WDR70: variants seen among roughly 807,000 people sequenced by gnomAD.
The protein encoded by WDR70 is WD repeat domain 70.
Under a neutral mutation model 88.6 loss-of-function variants are expected in WDR70, and 53 were observed. The observed-to-expected ratio is 0.60, with a 90% CI of 0.48 to 0.75. The LOEUF (loss-of-function observed/expected upper bound fraction) is 0.75. Among genes scored for constraint, WDR70 ranks in the 30% least tolerant of loss-of-function variants. The pLI, the probability that WDR70 is intolerant of heterozygous loss-of-function variation, is 0.00. For synonymous variants in WDR70, 280 were observed against 270.0 expected, an observed-to-expected ratio of 1.04 and a Z score of -0.36; for missense variants, 610 against 823.2, an observed-to-expected ratio of 0.74 and a Z score of 3.17.
intron 8 of WDR70, among the ~76,000 whole-genome samples, chr5:37,514,984 C>A (rs1274093366): frequency 2.0e-5 from 3 of 150,740 alleles, no homozygotes; most frequent in African/African-American, 7.3e-5. Flanking sequence ...CCACTGTACC[C>A]CAGCCTAGGT....
intron 10 of WDR70, among the ~76,000 whole-genome samples, chr5:37,644,295 C>G (rs1475794270): frequency 6.6e-6 from 1 of 151,930 alleles, no homozygotes; most frequent in African/African-American, 2.4e-5. Flanking sequence ...CTTTGATTTG[C>G]ATATGTTAAA....
intron 7 of WDR70, among the ~76,000 whole-genome samples, chr5:37,472,919 C>T (rs769712266): frequency 3.9e-5 from 6 of 151,938 alleles, no homozygotes; most frequent in Non-Finnish European, 5.9e-5. Context: ...ACTGCTGAGT[C>T]GTAGGATAGG....
At chr5:37,520,595 G>A (rs1419544546) in intron 9 of WDR70, among the ~76,000 whole-genome samples, 1 of 152,144 alleles carries the variant, frequency 6.6e-6, no homozygotes, top group South Asian at 2.1e-4. Flanking sequence ...AGCATGACTA[G>A]GTAAGGTTTA....
At chr5:37,447,718 G>T (rs950249125) in intron 7 of WDR70, among the ~76,000 whole-genome samples, 2 of 152,066 alleles carry the variant, frequency 1.3e-5, no homozygotes, top group African/African-American at 4.8e-5. Flanking sequence ...GTTCTCACTC[G>T]TAGGTGGGAA....
At chr5:37,750,105 A>G (rs1748761677) in intron 17 of WDR70, among the ~76,000 whole-genome samples, 1 of 152,230 alleles carries the variant, frequency 6.6e-6, no homozygotes, top group African/African-American at 2.4e-5. Context: ...TCAAGATTAT[A>G]GAACATTTCC....
intron 9 of WDR70, among the ~76,000 whole-genome samples, chr5:37,600,950 T>G (rs1435411255): frequency 6.6e-6 from 1 of 152,246 alleles, no homozygotes; most frequent in African/African-American, 2.4e-5. Flanking sequence ...GGTAGAGTCT[T>G]TAGAGTTTTC....
intron 7 of WDR70, among the ~76,000 whole-genome samples, chr5:37,460,729 C>A (rs4585479): frequency 0.85 from 125,227 of 147,456 alleles, 56,658 homozygotes; most frequent in East Asian, 1. Flanking sequence ...AAAATAAAAA[C>A]AAAAAGAAAA....
Position 37,572,102 on chromosome 5 carries a change from C to A in WDR70, c.918-32962C>A, listed in dbSNP as rs117133332. On this transcript the variant is annotated intron_variant, in intron 9 of 17. Transcript: ENST00000265107. ...TGAGCTGAGGAATTATGTTCTGTTA[C>A]TGAAATGTGTAAAATTATATATAAA... is the stretch of plus-strand genomic sequence containing the variant. 1.4e-4 allele frequency among the ~76,000 whole-genome samples: 22 copies of A among 152,260 alleles called. No individual in the cohort carries two copies. In the East Asian group the frequency reaches 4.0e-3, roughly 28 times the overall value.
chr5:37,596,838 C>A (rs946283052), intron 9 of WDR70, among the ~76,000 whole-genome samples: 4 of 152,074 alleles, frequency 2.6e-5, no homozygotes, highest in Non-Finnish European at 5.9e-5. Flanking sequence ...CCAAAAACTT[C>A]CCTTGTGATG....
intron 12 of WDR70, 51 bp downstream of exon 12, chr5:37,701,193 G>C: frequency 8.5e-7 from 1 of 1,180,410 alleles, no homozygotes; most frequent in Non-Finnish European, 1.2e-6. Context: ...TGGAAAAGAA[G>C]TACTTTTACT....
intron 8 of WDR70, among the ~76,000 whole-genome samples, chr5:37,480,419 T>C (rs1739626342): frequency 6.6e-6 from 1 of 152,172 alleles, no homozygotes; most frequent in Non-Finnish European, 1.5e-5. Flanking sequence ...GGATAATTTA[T>C]AAAGGAAAGA....
chr5:37,686,990 T>C (rs1746628353), intron 10 of WDR70, among the ~76,000 whole-genome samples: 1 of 150,214 alleles, frequency 6.7e-6, no homozygotes, highest in Admixed American at 6.7e-5. Context: ...ATAATAAGCC[T>C]ATATAAGGTA....
intron 17 of WDR70, among the ~76,000 whole-genome samples, chr5:37,743,110 G>A (rs1316183550): frequency 6.6e-6 from 1 of 152,218 alleles, no homozygotes; most frequent in Non-Finnish European, 1.5e-5. Context: ...AGGCATCCAG[G>A]TTCTCTCATC....
intron 13 of WDR70, among the ~76,000 whole-genome samples, chr5:37,716,874 G>A (rs915816606): frequency 2.0e-5 from 3 of 151,968 alleles, no homozygotes; most frequent in African/African-American, 7.2e-5. Flanking sequence ...TTGCTAAGGG[G>A]TAATTCCAAA....
At chr5:37,732,549 G>A (rs553648114) in intron 17 of WDR70, among the ~76,000 whole-genome samples, 1 of 152,154 alleles carries the variant, frequency 6.6e-6, no homozygotes, top group African/African-American at 2.4e-5. Context: ...TCTGATAGGT[G>A]AAAATGTATA....
At chr5:37,739,407 G>A (rs1748401678) in intron 17 of WDR70, among the ~76,000 whole-genome samples, 1 of 152,222 alleles carries the variant, frequency 6.6e-6, no homozygotes, top group Admixed American at 6.5e-5. Flanking sequence ...AATCTGCCAT[G>A]AGGCAGTAAG....
chr5:37,629,635 GA>G (rs1044849038), intron 10 of WDR70, among the ~76,000 whole-genome samples: 126 of 152,012 alleles, frequency 8.3e-4, no homozygotes, highest in African/African-American at 3.0e-3. Context: ...TCTTTTTTAT[GA>G]TAATCCACCT....
chr5:37,479,874 A>C lies in WDR70; in HGVS notation c.727A>C (p.Met243Leu). 1 of 1,614,144 alleles carries C rather than the reference A, an allele frequency of 6.2e-7. No individual in the cohort carries two copies. The highest frequency in any genetic ancestry group is 8.5e-7 in the Non-Finnish European group (1 of 1,180,004). Residue 243 changes from methionine (M) to leucine (L), a missense_variant, in exon 8 of 18, where the codon ATG becomes CTG. By Grantham distance (15) the Met-to-Leu change is conservative. Transcript: ENST00000265107. The stretch of plus-strand genomic sequence containing the variant: ...ATTACAGTATAGTAACACAGGAGAC[A>C]TGATTCTTGTTGTATCTGGAAGCTC... ...KSLQYSNTGD[M>L]ILVVSGSSQA...
chr5:37,741,639 T>C (rs778121055), intron 17 of WDR70, among the ~76,000 whole-genome samples: 9 of 152,024 alleles, frequency 5.9e-5, no homozygotes, highest in Non-Finnish European at 1.3e-4. Context: ...TTACAGGAGG[T>C]GGAGCTCAGG....
Sources: allele counts gnomAD v4.1 joint callset (sites outside exome capture counted in the v4.1 genomes callset), GRCh38; gene constraint gnomAD v4.1.1; transcripts MANE v1.5; gene names NCBI Gene and HGNC (gene_info 2026-07-23, HGNC 2026-07-21).